SOS2: variants seen among roughly 807,000 people sequenced by gnomAD.
SOS2 encodes the protein SOS Ras/Rho guanine nucleotide exchange factor 2.
Under a neutral mutation model 148.2 loss-of-function variants are expected in SOS2, and 65 were observed. The ratio of observed to expected loss-of-function variants is 0.44; its 90% CI spans 0.36 to 0.54. The LOEUF is 0.54. Ranked by LOEUF, SOS2 falls within the 20% of genes least tolerant of loss-of-function variation. The pLI is 0.00. For missense variants in SOS2, 1,341 were observed against 1,590.2 expected (o/e 0.84, Z 2.67); for synonymous variants, 539 against 537.1 (o/e 1.00, Z -0.05).
intron 5 of SOS2, among the ~76,000 whole-genome samples, chr14:50,183,184 T>C (rs763495855): frequency 4.1e-4 from 63 of 152,188 alleles, no homozygotes; most frequent in Non-Finnish European, 3.4e-4. Flanking sequence ...GAATGTTTAC[T>C]TTCATGCCCC....
intron 1 of SOS2, among the ~76,000 whole-genome samples, chr14:50,224,358 C>T (rs943043869): frequency 9.2e-6 from 1 of 108,916 alleles, no homozygotes; most frequent in African/African-American, 3.0e-5. Flanking sequence ...CACACACACA[C>T]ACACACATAT....
chr14:50,194,101 A>G (rs1231888459), intron 4 of SOS2, among the ~76,000 whole-genome samples: 2 of 152,210 alleles, frequency 1.3e-5, no homozygotes, highest in Non-Finnish European at 2.9e-5. Context: ...ATAGGGGATC[A>G]TGACAGGAAT....
At chr14:50,151,446 T>C (rs2139599465) in intron 13 of SOS2, among the ~76,000 whole-genome samples, 1 of 152,338 alleles carries the variant, frequency 6.6e-6, no homozygotes, top group Admixed American at 6.5e-5. Flanking sequence ...CTTTTTGTGA[T>C]AGTACCCATC....
chr14:50,131,917 T>C (rs963696562), intron 19 of SOS2, among the ~76,000 whole-genome samples: 15 of 152,172 alleles, frequency 9.9e-5, no homozygotes, highest in African/African-American at 3.4e-4. Flanking sequence ...ACAGAAATGA[T>C]AGCCAACACC....
At chr14:50,123,919 C>T (rs1309820253) in intron 21 of SOS2, among the ~76,000 whole-genome samples, 3 of 152,150 alleles carry the variant, frequency 2.0e-5, no homozygotes, top group South Asian at 2.1e-4. Flanking sequence ...TGATAGGTCA[C>T]ATTTGGCGTG....
chr14:50,130,069 C>A, intron 20 of SOS2, 67 bp from the exon 21 acceptor site: 1 of 1,001,642 alleles, frequency 1.0e-6, no homozygotes, highest in Admixed American at 2.1e-5. Context: ...TTAAATGTTT[C>A]CATAAATAAT....
At chr14:50,203,146 GTTGC>G (rs1172726912) in intron 2 of SOS2, among the ~76,000 whole-genome samples, 3 of 151,996 alleles carry the variant, frequency 2.0e-5, no homozygotes, top group Non-Finnish European at 4.4e-5. Flanking sequence ...AAAGAAAGTT[GTTGC>G]TTATAGAAAC....
intron 4 of SOS2, 23 bp downstream of exon 4, chr14:50,199,668 T>C: frequency 1.4e-6 from 2 of 1,478,832 alleles, no homozygotes; most frequent in African/African-American, 1.4e-5. Context: ...TCAAGTTAAA[T>C]TTAAATACCT....
Position 50,153,136 on chromosome 14 carries a change from AATG to A in SOS2, c.2092_2094del (p.His698del). 6.2e-7 allele frequency: 1 copy of A among 1,606,836 alleles called. No homozygotes were observed. The highest frequency in any genetic ancestry group is 8.5e-7 in the Non-Finnish European group (1 of 1,174,578). Reference sequence around the variant, plus strand: ...TCCAAGTCTCTTTCAAAGTCATAAAAATGATGTTCAACCCAATGCCGAAATACA... The same window carrying A: ...TCCAAGTCTCTTTCAAAGTCATAAAAATGTTCAACCCAATGCCGAAATACA... On this transcript the variant is annotated inframe_deletion, in exon 13 of 23. Coordinates refer to ENST00000216373, the MANE Select transcript of SOS2 (RefSeq NM_006939.4).
rs774175096 is a variant in SOS2 at position 50,182,501 on chromosome 14, G to A, written c.820C>T (p.His274Tyr). 1 of 1,613,752 alleles carries A rather than the reference G, an allele frequency of 6.2e-7. No individual in the cohort carries two copies. The highest frequency in any genetic ancestry group is 8.5e-7 in the Non-Finnish European group (1 of 1,179,722). Reference sequence around the variant, plus strand: ...TCAAAACAGCTGCCAGCTAAGGGATGAGGACTGCTTTCATCAGTCATTTCA... The same window carrying A: ...TCAAAACAGCTGCCAGCTAAGGGATAAGGACTGCTTTCATCAGTCATTTCA... ...TVEMTDESSP[H>Y]PLAGSCFEDL... The change falls in exon 6 of 23, where the codon CAT becomes TAT. Residue 274 changes from histidine (H) to tyrosine (Y), a missense_variant. Transcript: ENST00000216373.
At chr14:50,134,288 T>C in intron 18 of SOS2, 49 bp from the exon 19 acceptor site, 1 of 841,602 alleles carries the variant, frequency 1.2e-6, no homozygotes, top group Non-Finnish European at 1.9e-6. Flanking sequence ...GTATATATTT[T>C]AGATCTTATT....
chr14:50,187,550 C>T (rs1335273829), intron 5 of SOS2, among the ~76,000 whole-genome samples: 11 of 151,612 alleles, frequency 7.3e-5, no homozygotes, highest in Admixed American at 6.6e-4. Flanking sequence ...GGGGTTTCAC[C>T]GTGTTAGCCA....
chr14:50,202,287 C>G (rs1886517383), intron 2 of SOS2, among the ~76,000 whole-genome samples: 1 of 152,150 alleles, frequency 6.6e-6, no homozygotes, highest in South Asian at 2.1e-4. Flanking sequence ...TTAATTTAAT[C>G]AGTGATTCAT....
At chr14:50,137,783 C>G (rs1481965273) in intron 18 of SOS2, among the ~76,000 whole-genome samples, 1 of 152,060 alleles carries the variant, frequency 6.6e-6, no homozygotes, top group Non-Finnish European at 1.5e-5. Flanking sequence ...GTATCCATTC[C>G]CTCAAGCATT....
intron 4 of SOS2, among the ~76,000 whole-genome samples, chr14:50,197,920 C>T (rs978690561): frequency 6.6e-6 from 1 of 151,410 alleles, no homozygotes; most frequent in African/African-American, 2.4e-5. Context: ...GAACTCCTGA[C>T]CTTAAGTGAC....
intron 3 of SOS2, among the ~76,000 whole-genome samples, chr14:50,200,532 G>C (rs1041446128): frequency 7.9e-5 from 12 of 152,020 alleles, no homozygotes; most frequent in African/African-American, 2.9e-4. Context: ...CAGAGTAGCA[G>C]TCATTGGAAG....
intron 16 of SOS2, among the ~76,000 whole-genome samples, chr14:50,140,756 T>C (rs1884245253): frequency 6.6e-6 from 1 of 152,092 alleles, no homozygotes; most frequent in South Asian, 2.1e-4. Context: ...AAAATGTCAC[T>C]ATTCACACAG....
At chr14:50,189,552 T>A (rs899364115) in intron 4 of SOS2, among the ~76,000 whole-genome samples, 2 of 152,146 alleles carry the variant, frequency 1.3e-5, no homozygotes, top group Non-Finnish European at 2.9e-5. Flanking sequence ...ACATGGTAGT[T>A]CCTTGCCATA....
At chr14:50,187,248 G>A (rs1453390150) in intron 5 of SOS2, among the ~76,000 whole-genome samples, 2 of 151,824 alleles carry the variant, frequency 1.3e-5, no homozygotes, top group African/African-American at 4.8e-5. Flanking sequence ...TTGGCCTCAA[G>A]CAATCCTCCT....
Sources: gnomAD v4.1 joint callset for allele counts (sites outside exome capture counted in the v4.1 genomes callset) on GRCh38, gnomAD v4.1.1 for gene constraint, MANE v1.5 for transcripts, NCBI Gene and HGNC (gene_info 2026-07-23, HGNC 2026-07-21) for gene names.